The following ARL15 variants were observed in gnomAD, a reference collection of about 807,000 sequenced individuals.
ARL15 encodes the protein ADP-ribosylation factor-like protein 15.
ARL15 carries 19 observed loss-of-function variants against 25.2 expected under a neutral mutation model. The ratio of observed to expected loss-of-function variants is 0.75; its 90% CI spans 0.53 to 1.10. The LOEUF (loss-of-function observed/expected upper bound fraction) is 1.10. Among genes scored for constraint, ARL15 ranks in the 50% least tolerant of loss-of-function variants. The pLI is 0.00. For synonymous variants in ARL15, 94 were observed against 86.8 expected (o/e 1.08, Z -0.46); for missense variants, 220 against 246.0 (o/e 0.89, Z 0.71).
At chr5:54,157,938 A>G (rs1348781618) in intron 2 of ARL15, among the ~76,000 whole-genome samples, 1 of 152,222 alleles carries the variant, frequency 6.6e-6, no homozygotes, top group African/African-American at 2.4e-5. Flanking sequence ...CTATTTACAG[A>G]AGAGAAACAA....
chr5:54,253,653 G>A (rs563572244), intron 1 of ARL15, among the ~76,000 whole-genome samples: 4 of 151,632 alleles, frequency 2.6e-5, no homozygotes, highest in South Asian at 2.1e-4. Context: ...GTGCAATGGC[G>A]TGATCACAGA....
intron 1 of ARL15, among the ~76,000 whole-genome samples, chr5:54,247,014 A>T (rs1421842344): frequency 1.3e-5 from 2 of 152,176 alleles, no homozygotes; most frequent in Non-Finnish European, 2.9e-5. Flanking sequence ...ATCAGCAAAG[A>T]CTGTATAAAT....
At chr5:53,924,059 G>A (rs1286729967) in intron 4 of ARL15, among the ~76,000 whole-genome samples, 1 of 152,124 alleles carries the variant, frequency 6.6e-6, no homozygotes, top group African/African-American at 2.4e-5. Flanking sequence ...TCTTCCTGGC[G>A]TTAGACTATG....
intron 1 of ARL15, among the ~76,000 whole-genome samples, chr5:54,192,567 T>C (rs1755436373): frequency 6.7e-6 from 1 of 149,710 alleles, no homozygotes; most frequent in Admixed American, 6.7e-5. Context: ...TCCTATTAAA[T>C]TTGGCAAATC....
chr5:54,283,986 A>G (rs1351582951), intron 1 of ARL15, among the ~76,000 whole-genome samples: 2 of 152,196 alleles, frequency 1.3e-5, no homozygotes, highest in Non-Finnish European at 2.9e-5. Flanking sequence ...TGACGGCACA[A>G]TGAGAACAGT....
At chr5:53,980,087 T>C (rs1748071921) in intron 4 of ARL15, among the ~76,000 whole-genome samples, 1 of 150,834 alleles carries the variant, frequency 6.6e-6, no homozygotes, top group South Asian at 2.1e-4. Flanking sequence ...ATTGATTTCA[T>C]TGGCTAATAA....
Position 54,113,421 on chromosome 5 carries a change from C to T in ARL15, c.254-11G>A. The T allele has an allele frequency of 6.2e-7, 1 of 1,604,614 alleles. No homozygotes were observed. Among genetic ancestry groups the T allele is most frequent in the Non-Finnish European group, 8.5e-7 (1 of 1,177,400 alleles). The stretch of plus-strand genomic sequence containing the variant: ...GGATGTTATCAGCCCCTGTCAAAAA[C>T]AAAACAAATTTTCGTTTTAAAAAGA... On this transcript the variant is annotated splice_polypyrimidine_tract_variant and intron_variant, in intron 3 of 4. Transcript: ENST00000504924.
At chr5:54,162,736 GT>G (rs1179789209) in intron 2 of ARL15, among the ~76,000 whole-genome samples, 1 of 152,078 alleles carries the variant, frequency 6.6e-6, no homozygotes, top group Admixed American at 6.6e-5. Flanking sequence ...GTTTCTGATA[GT>G]TTTTCAGATC....
chr5:54,232,462 A>C (rs1756696765), intron 1 of ARL15, among the ~76,000 whole-genome samples: 1 of 152,216 alleles, frequency 6.6e-6, no homozygotes, highest in Non-Finnish European at 1.5e-5. Flanking sequence ...AAAAGTTTCC[A>C]GTTGTTCTGA....
chr5:53,911,780 T>C (rs377346445), intron 4 of ARL15, among the ~76,000 whole-genome samples: 96 of 152,264 alleles, frequency 6.3e-4, no homozygotes, highest in South Asian at 4.6e-3. Flanking sequence ...TGAGAACATA[T>C]GGTCATCTGG....
intron 3 of ARL15, among the ~76,000 whole-genome samples, chr5:54,129,129 C>A (rs1579828819): frequency 6.6e-6 from 1 of 152,300 alleles, no homozygotes; most frequent in Middle Eastern, 3.4e-3. Flanking sequence ...CTTCCTGATA[C>A]CTTTCAACAT....
At chr5:53,964,342 G>A (rs750366216) in intron 4 of ARL15, among the ~76,000 whole-genome samples, 2 of 152,026 alleles carry the variant, frequency 1.3e-5, no homozygotes, top group African/African-American at 2.4e-5. Flanking sequence ...TTCTATACTG[G>A]TTCTATTTTA....
intron 4 of ARL15, among the ~76,000 whole-genome samples, chr5:53,924,328 C>T (rs1418284439): frequency 6.6e-6 from 1 of 152,070 alleles, no homozygotes; most frequent in East Asian, 1.9e-4. Flanking sequence ...GGAGATATTC[C>T]CAATTTTGTT....
rs191965593 is a variant in ARL15, at chr5:54,150,376, G to C, written c.253+4204C>G. 7.2e-4 allele frequency among the ~76,000 whole-genome samples: 109 copies of C among 152,330 alleles called. 1 individual carries two copies. The highest frequency in any genetic ancestry group is 2.1e-4 in the Non-Finnish European group (14 of 68,030). On this transcript the variant is annotated intron_variant, in intron 3 of 4. Coordinates refer to ENST00000504924, the MANE Select transcript of ARL15 (RefSeq NM_019087.3). ...AAGTCAGAACCATAACTGAGCAAGA[G>C]TTTGACTTGAAAGATCTCTAAATAA...
At chr5:53,899,907 C>T (rs889853092) in intron 4 of ARL15, among the ~76,000 whole-genome samples, 6 of 152,040 alleles carry the variant, frequency 3.9e-5, no homozygotes, top group African/African-American at 1.4e-4. Flanking sequence ...TTTTTTCCTC[C>T]CTACATCTAT....
At chr5:54,215,059 G>A (rs1271625021) in intron 1 of ARL15, among the ~76,000 whole-genome samples, 3 of 152,080 alleles carry the variant, frequency 2.0e-5, no homozygotes, top group Non-Finnish European at 4.4e-5. Context: ...ACCAGCCAGA[G>A]CAGAACATCC....
chr5:54,059,511 G>C (rs1438552523), intron 4 of ARL15, among the ~76,000 whole-genome samples: 1 of 152,208 alleles, frequency 6.6e-6, no homozygotes, highest in African/African-American at 2.4e-5. Flanking sequence ...AGACCAGGAT[G>C]CACTGGTATT....
At chr5:54,012,208 T>C (rs974800771) in intron 4 of ARL15, among the ~76,000 whole-genome samples, 5 of 152,222 alleles carry the variant, frequency 3.3e-5, no homozygotes, top group African/African-American at 1.2e-4. Context: ...GATCAAATAA[T>C]AGCTCTGAAA....
At chr5:54,168,564 C>T (rs931704887) in intron 2 of ARL15, among the ~76,000 whole-genome samples, 8 of 152,228 alleles carry the variant, frequency 5.3e-5, no homozygotes, top group African/African-American at 1.9e-4. Context: ...CTACATCTAA[C>T]AGGTCTCCCC....
Sources: gnomAD v4.1 joint callset for allele counts (sites outside exome capture counted in the v4.1 genomes callset) on GRCh38, gnomAD v4.1.1 for gene constraint, MANE v1.5 for transcripts, NCBI Gene and HGNC (gene_info 2026-07-23, HGNC 2026-07-21) for gene names.